Variants in ROCK1 observed in about 807,000 individuals in gnomAD.
The protein encoded by ROCK1 is Rho associated coiled-coil containing protein kinase 1, also known as rho-associated protein kinase 1.
In ROCK1, 36 loss-of-function variants were observed where a neutral mutation model predicts 196.8. The ratio of observed to expected loss-of-function variants is 0.18; its 90% CI spans 0.14 to 0.24. ROCK1 has a LOEUF of 0.24. ROCK1 is among the 10% of genes least tolerant of loss of function. ROCK1 has a pLI of 1.00. For synonymous variants in ROCK1, 443 were observed against 515.9 expected (o/e 0.86, Z 1.91); for missense variants, 920 against 1,562.0 (o/e 0.59, Z 6.93).
chr18:21,064,834 T>C (rs1408531457), intron 2 of ROCK1, among the ~76,000 whole-genome samples: 1 of 152,246 alleles, frequency 6.6e-6, no homozygotes, highest in Non-Finnish European at 1.5e-5. Context: ...CTAATATTTA[T>C]TGCTTTTGAT....
At chr18:21,104,529 G>A (rs1350860177) in intron 1 of ROCK1, among the ~76,000 whole-genome samples, 1 of 152,184 alleles carries the variant, frequency 6.6e-6, no homozygotes, top group Non-Finnish European at 1.5e-5. Flanking sequence ...CCCAGGAGGT[G>A]GAGCTTGCAG....
intron 18 of ROCK1, among the ~76,000 whole-genome samples, chr18:20,988,075 T>C (rs113877452): frequency 4.2e-4 from 64 of 152,236 alleles, no homozygotes; most frequent in African/African-American, 1.5e-3. Flanking sequence ...CTTTTTTTTT[T>C]CTTTTTTTGA....
intron 12 of ROCK1, among the ~76,000 whole-genome samples, chr18:21,019,527 C>G (rs1319459261): frequency 6.6e-6 from 1 of 152,084 alleles, no homozygotes; most frequent in Non-Finnish European, 1.5e-5. Flanking sequence ...GGTGCGGTGG[C>G]TCACACCTGT....
At chr18:21,105,055 A>G (rs1398792979) in intron 1 of ROCK1, among the ~76,000 whole-genome samples, 2 of 152,248 alleles carry the variant, frequency 1.3e-5, no homozygotes, top group Admixed American at 6.5e-5. Context: ...TAACAGAAAT[A>G]TTATAAATAT....
At chr18:21,013,897 T>TA (rs1038012460) in intron 13 of ROCK1, among the ~76,000 whole-genome samples, 13 of 151,402 alleles carry the variant, frequency 8.6e-5, no homozygotes, top group East Asian at 1.9e-4. Flanking sequence ...CCATCTCTAC[T>TA]AAAAAAAATA....
At chr18:21,031,747 T>C (rs2036009948) in intron 9 of ROCK1, among the ~76,000 whole-genome samples, 1 of 151,914 alleles carries the variant, frequency 6.6e-6, no homozygotes, top group African/African-American at 2.4e-5. Context: ...ACCAGGAAGA[T>C]GATGACTTAA....
intron 30 of ROCK1, 34 bp from the exon 31 acceptor site, chr18:20,955,078 A>G (rs766530915): frequency 1.3e-6 from 2 of 1,534,466 alleles, no homozygotes; most frequent in Non-Finnish European, 1.7e-6. Flanking sequence ...AAAAGATTTT[A>G]AAAATCTTAA....
At chr18:21,090,118 T>C (rs2036557816) in intron 1 of ROCK1, among the ~76,000 whole-genome samples, 1 of 152,254 alleles carries the variant, frequency 6.6e-6, no homozygotes, top group South Asian at 2.1e-4. Context: ...TCATGGATGA[T>C]TTTATAACAT....
intron 1 of ROCK1, among the ~76,000 whole-genome samples, chr18:21,077,147 G>T (rs1168071734): frequency 1.3e-5 from 2 of 151,102 alleles, no homozygotes; most frequent in Non-Finnish European, 2.9e-5. Context: ...CTAATTTTTT[G>T]TATTTTTAGT....
intron 13 of ROCK1, among the ~76,000 whole-genome samples, chr18:21,013,839 G>A (rs1480580897): frequency 2.6e-5 from 4 of 151,972 alleles, no homozygotes; most frequent in African/African-American, 9.7e-5. Flanking sequence ...CAAGGCGGGT[G>A]GATCAAGGTC....
chr18:20,974,006 G>A (rs1187031508), intron 22 of ROCK1, among the ~76,000 whole-genome samples: 1 of 151,964 alleles, frequency 6.6e-6, no homozygotes, highest in African/African-American at 2.4e-5. Context: ...TCCTGACCTC[G>A]TGATCCCCCC....
intron 9 of ROCK1, among the ~76,000 whole-genome samples, chr18:21,032,818 G>A (rs957333025): frequency 2.2e-4 from 33 of 150,018 alleles, no homozygotes; most frequent in African/African-American, 7.8e-4. Flanking sequence ...CACCACACCC[G>A]GCCTACAGTG....
chr18:21,055,435 C>T (rs572098357), intron 2 of ROCK1, among the ~76,000 whole-genome samples: 2 of 152,090 alleles, frequency 1.3e-5, no homozygotes, highest in South Asian at 2.1e-4. Flanking sequence ...TACCCTGAAA[C>T]GAACGAAACA....
chr18:21,049,874 TC>T lies in ROCK1; in HGVS notation c.181del (p.Asp61ThrfsTer3). On this transcript the variant is annotated frameshift_variant, in exon 3 of 33. Coordinates refer to ENST00000399799, the MANE Select transcript of ROCK1 (RefSeq NM_005406.3). LOFTEE classifies it high-confidence loss of function. ...TAAATCTCTGATTTTATTTATTGTG[TC>T]TTTATCTGTATGAAAAGAAAAGTTT... ...NIDNFLSRYK[D>X]TINKIRDLRM... 6.4e-7 allele frequency: 1 copy of T among 1,560,358 alleles called. No individual in the cohort carries two copies. Among genetic ancestry groups the T allele is most frequent in the Non-Finnish European group, 8.8e-7 (1 of 1,142,364 alleles).
At chr18:20,971,779 A>G (rs1225377691) in intron 22 of ROCK1, among the ~76,000 whole-genome samples, 2 of 152,092 alleles carry the variant, frequency 1.3e-5, no homozygotes, top group Non-Finnish European at 2.9e-5. Context: ...GGGGCCGTAC[A>G]GGCAATTTAA....
intron 10 of ROCK1, 109 bp from the exon 11 acceptor site, chr18:21,023,789 T>C: frequency 4.1e-6 from 2 of 493,176 alleles, no homozygotes; most frequent in Non-Finnish European, 7.1e-6. Flanking sequence ...TTATAGTAAC[T>C]TTGTTTTTAA....
chr18:21,048,462 G>A (rs938979658), intron 4 of ROCK1, among the ~76,000 whole-genome samples: 4 of 151,878 alleles, frequency 2.6e-5, no homozygotes, highest in East Asian at 3.9e-4. Flanking sequence ...AATAATATAC[G>A]ACTTCCCTCA....
chr18:21,009,967 T>C (rs985643183), intron 13 of ROCK1, among the ~76,000 whole-genome samples: 4 of 152,232 alleles, frequency 2.6e-5, no homozygotes, highest in African/African-American at 9.6e-5. Flanking sequence ...GTCCCTTTCA[T>C]CTACATGTCT....
Position 21,006,361 on chromosome 18 carries a change from T to A in ROCK1, c.1875A>T (p.Gly625=), listed in dbSNP as rs2035768634. Residue 625 remains glycine (G), a synonymous_variant, in exon 16 of 33, where the codon GGA becomes GGT. Coordinates refer to ENST00000399799, the MANE Select transcript of ROCK1 (RefSeq NM_005406.3). ...RDRGHDSEMI[G]DLQARITSLQ... ...AAGAAAAAATATTACCTTGAAGGTC[T>A]CCAATCATCTCAGAATCATGACCTC... The A allele has an allele frequency of 6.2e-7, 1 of 1,610,720 alleles. No homozygotes were observed. Among genetic ancestry groups the A allele is most frequent in the African/African-American group, 1.3e-5 (1 of 74,814 alleles).
Sources: gnomAD v4.1 joint callset for allele counts (sites outside exome capture counted in the v4.1 genomes callset) on GRCh38, gnomAD v4.1.1 for gene constraint, MANE v1.5 for transcripts, NCBI Gene and HGNC (gene_info 2026-07-23, HGNC 2026-07-21) for gene names.